The following SLC41A2 variants were observed in gnomAD, a reference collection of about 807,000 sequenced individuals.
SLC41A2 encodes SLC41A1-like 1.
Under a neutral mutation model 58.3 loss-of-function variants are expected in SLC41A2, and 32 were observed. That is an observed-to-expected ratio of 0.55 (90% confidence interval 0.41 to 0.74). The LOEUF (loss-of-function observed/expected upper bound fraction) is 0.74, where lower values mean the gene tolerates loss of function less well. SLC41A2 is among the 30% of genes least tolerant of loss of function. SLC41A2 has a pLI of 0.00. For synonymous variants in SLC41A2, 190 were observed against 235.0 expected (o/e 0.81, Z 1.75); for missense variants, 514 against 680.6 (o/e 0.76, Z 2.72).
At chr12:104,897,670 A>G (rs1304341117) in intron 3 of SLC41A2, among the ~76,000 whole-genome samples, 2 of 152,224 alleles carry the variant, frequency 1.3e-5, no homozygotes, top group Admixed American at 1.3e-4. Flanking sequence ...TTTATAAACA[A>G]TAACTTTTTT....
intron 7 of SLC41A2, among the ~76,000 whole-genome samples, chr12:104,862,375 C>T (rs542507398): frequency 6.6e-6 from 1 of 152,004 alleles, no homozygotes; most frequent in Non-Finnish European, 1.5e-5. Flanking sequence ...ACATTTTAAG[C>T]CCTAATTAAA....
At chr12:104,890,205 T>C (rs1051173065) in intron 4 of SLC41A2, among the ~76,000 whole-genome samples, 9 of 152,232 alleles carry the variant, frequency 5.9e-5, no homozygotes, top group Middle Eastern at 3.4e-3. Context: ...AGTAGTCATA[T>C]AGTAAATCAA....
chr12:104,919,257 C>T (rs1426782669), intron 2 of SLC41A2, among the ~76,000 whole-genome samples: 1 of 152,174 alleles, frequency 6.6e-6, no homozygotes, highest in Non-Finnish European at 1.5e-5. Flanking sequence ...TTGAAGGACA[C>T]TTCGGTTGTA....
chr12:104,884,825 T>C (rs1405716638), intron 6 of SLC41A2, among the ~76,000 whole-genome samples: 5 of 152,206 alleles, frequency 3.3e-5, no homozygotes, highest in African/African-American at 9.7e-5. Context: ...CTACAAGTTA[T>C]CCAACTGTCT....
chr12:104,950,219 A>T (rs768398258), intron 1 of SLC41A2, among the ~76,000 whole-genome samples: 7 of 152,078 alleles, frequency 4.6e-5, no homozygotes, highest in Non-Finnish European at 1.0e-4. Context: ...CCCAAATCTG[A>T]TCTTGAATTG....
intron 8 of SLC41A2, among the ~76,000 whole-genome samples, chr12:104,846,536 A>G (rs936324920): frequency 6.6e-6 from 1 of 152,254 alleles, no homozygotes; most frequent in African/African-American, 2.4e-5. Context: ...TTAAGCCATA[A>G]AAGTGAGTAA....
At chr12:104,900,029 G>C (rs1326476295) in intron 3 of SLC41A2, among the ~76,000 whole-genome samples, 1 of 152,032 alleles carries the variant, frequency 6.6e-6, no homozygotes, top group Admixed American at 6.6e-5. Context: ...TGTACTTCTA[G>C]AATCTCCTCC....
At chr12:104,942,675 C>G (rs865876251) in intron 1 of SLC41A2, among the ~76,000 whole-genome samples, 8 of 152,062 alleles carry the variant, frequency 5.3e-5, no homozygotes, top group Admixed American at 2.6e-4. Context: ...GCTTTTTTTA[C>G]TTTAGCAGTG....
intron 8 of SLC41A2, among the ~76,000 whole-genome samples, chr12:104,857,009 G>A (rs1302482885): frequency 6.6e-6 from 1 of 151,994 alleles, no homozygotes; most frequent in Non-Finnish European, 1.5e-5. Context: ...AAAAATAACT[G>A]AAGCAAAAAA....
intron 10 of SLC41A2, among the ~76,000 whole-genome samples, chr12:104,830,884 TA>T (rs1322673206): frequency 6.6e-6 from 1 of 152,214 alleles, no homozygotes; most frequent in Non-Finnish European, 1.5e-5. Flanking sequence ...CATTTACTTT[TA>T]AAAAACCTTT....
At chr12:104,902,649 CA>C (rs2045616681) in intron 3 of SLC41A2, among the ~76,000 whole-genome samples, 1 of 151,920 alleles carries the variant, frequency 6.6e-6, no homozygotes, top group Non-Finnish European at 1.5e-5. Context: ...AGAGGATGAG[CA>C]AAGAAAAACA....
At chr12:104,880,133 T>G (rs1714133871) in intron 6 of SLC41A2, among the ~76,000 whole-genome samples, 1 of 152,184 alleles carries the variant, frequency 6.6e-6, no homozygotes, top group South Asian at 2.1e-4. Flanking sequence ...TATTGGTGTA[T>G]AGGGATGCTT....
chr12:104,870,619 A>G (rs1234807783), intron 6 of SLC41A2, among the ~76,000 whole-genome samples: 1 of 152,190 alleles, frequency 6.6e-6, no homozygotes, highest in Non-Finnish European at 1.5e-5. Context: ...TAACACAGCT[A>G]AAGTGGTTCA....
chr12:104,895,456 A>G (rs2045232937), intron 3 of SLC41A2, 111 bp from the exon 4 acceptor site: 2 of 709,200 alleles, frequency 2.8e-6, no homozygotes, highest in South Asian at 3.4e-5. Context: ...AGTAAATCCA[A>G]TGAGCTCACA....
intron 3 of SLC41A2, among the ~76,000 whole-genome samples, chr12:104,906,937 G>A (rs2045877761): frequency 1.3e-5 from 2 of 152,108 alleles, no homozygotes; most frequent in African/African-American, 4.8e-5. Context: ...AGTCTTTCCT[G>A]ACCACGTTGT....
At chr12:104,825,551 T>A (rs2041810684) in intron 10 of SLC41A2, among the ~76,000 whole-genome samples, 1 of 152,154 alleles carries the variant, frequency 6.6e-6, no homozygotes, top group African/African-American at 2.4e-5. Flanking sequence ...TCCTTTTCCA[T>A]GTGAGAGGGC....
chr12:104,846,049 C>A, intron 8 of SLC41A2, 75 bp from the exon 9 acceptor site: 1 of 1,474,114 alleles, frequency 6.8e-7, no homozygotes, highest in South Asian at 1.3e-5. Flanking sequence ...AAAAGCAAGC[C>A]TCTTCGTGTA....
intron 8 of SLC41A2, among the ~76,000 whole-genome samples, chr12:104,848,237 A>G (rs77179364): frequency 0.024 from 3,644 of 152,318 alleles, 87 homozygotes; most frequent in East Asian, 0.093. Context: ...TAGTTCAAAG[A>G]AGAAAACACA....
rs2045994155 is a variant in SLC41A2, at chr12:104,909,700, G to A, written c.618C>T (p.Leu206=). The part of the protein sequence containing the change: ...VFILVPALLG[L]KGNLEMTLAS... ...CCAATGTCATTTCCAAGTTCCCTTT[G>A]AGACCAAGAAGTGCAGGGACTAAAA... The change falls in exon 3 of 11, where the codon CTC becomes CTT. Residue 206 remains leucine (L), a synonymous_variant. Transcript: ENST00000258538. 6.2e-7 allele frequency: 1 copy of A among 1,612,160 alleles called. No individual in the cohort carries two copies. The highest frequency in any genetic ancestry group is 8.5e-7 in the Non-Finnish European group (1 of 1,179,368).
Sources: gnomAD v4.1 joint callset for allele counts (sites outside exome capture counted in the v4.1 genomes callset) on GRCh38, gnomAD v4.1.1 for gene constraint, MANE v1.5 for transcripts, NCBI Gene and HGNC (gene_info 2026-07-23, HGNC 2026-07-21) for gene names.